BSDC1: variants seen among roughly 807,000 people sequenced by gnomAD.
The protein encoded by BSDC1 is BSD domain-containing protein 1.
BSDC1 carries 29 observed loss-of-function variants against 56.0 expected under a neutral mutation model. That is an observed-to-expected ratio of 0.52 (90% CI 0.39 to 0.71). The LOEUF (loss-of-function observed/expected upper bound fraction) is 0.71, where lower values mean the gene tolerates loss of function less well. Among genes scored for constraint, BSDC1 ranks in the 30% least tolerant of loss-of-function variants. The pLI, the probability that BSDC1 is intolerant of heterozygous loss-of-function variation, is 0.00. For missense variants in BSDC1, 477 were observed against 548.5 expected (o/e 0.87, Z 1.30); for synonymous variants, 210 against 215.3 (o/e 0.98, Z 0.21).
Position 32,394,430 on chromosome 1 carries a change from T to G in BSDC1, c.-16A>C. 1.2e-6 allele frequency: 2 copies of G among 1,614,048 alleles called. No individual in the cohort carries two copies. The highest frequency in any genetic ancestry group is 1.7e-6 in the Non-Finnish European group (2 of 1,180,002). On this transcript the variant is annotated 5_prime_UTR_variant, in exon 1 of 11. An upstream start codon of the reference 5' UTR is lost. Coordinates refer to ENST00000455895, the MANE Select transcript of BSDC1 (RefSeq NM_018045.8). ...CTTCCGCCATCTTGCCTGCATGACA[T>G]CACCACTATTTACTGACCTTTGACT...
At chr1:32,390,422 G>A (rs1642825213) in intron 2 of BSDC1, among the ~76,000 whole-genome samples, 1 of 152,176 alleles carries the variant, frequency 6.6e-6, no homozygotes, top group African/African-American at 2.4e-5. Context: ...GTTGACTGAG[G>A]GCTAGAAAAG....
chr1:32,389,509 C>G (rs939149016), intron 2 of BSDC1, among the ~76,000 whole-genome samples: 5 of 152,210 alleles, frequency 3.3e-5, no homozygotes, highest in African/African-American at 7.2e-5. Context: ...TGCCCTCAAG[C>G]AGGTCACAGT....
Position 32,366,781 on chromosome 1 carries a change from C to T in BSDC1, c.1261-127G>A, listed in dbSNP as rs1641869913. 2.5e-5 allele frequency: 35 copies of T among 1,424,210 alleles called. 1 individual carries two copies. The South Asian group carries it at 5.4e-4, about 22-fold the overall frequency. The allele number at this position is 1,424,210 out of a possible 1,614,324, so 88.2% of individuals were successfully genotyped here. ...CTACCCCAGGCCATACTCTGAGGTC[C>T]CACTGAGAGTGAACCCCTAGTCTTA... On this transcript the variant is annotated intron_variant, in intron 10 of 10. Transcript: ENST00000455895.
chr1:32,388,195 C>T (rs1570168685), intron 2 of BSDC1, among the ~76,000 whole-genome samples: 1 of 152,096 alleles, frequency 6.6e-6, no homozygotes, highest in East Asian at 1.9e-4. Context: ...TTGAGCGCTC[C>T]TGTGGTTTGT....
chr1:32,371,901 G>A (rs960604768), intron 9 of BSDC1, among the ~76,000 whole-genome samples: 1 of 152,074 alleles, frequency 6.6e-6, no homozygotes, highest in African/African-American at 2.4e-5. Context: ...TATAAAATAT[G>A]GATAAAAGCA....
intron 2 of BSDC1, among the ~76,000 whole-genome samples, chr1:32,392,486 G>T (rs1453313893): frequency 6.6e-6 from 1 of 151,652 alleles, no homozygotes; most frequent in South Asian, 2.1e-4. Context: ...CAAGAATGAA[G>T]ACGGAAGGTT....
At position 32,376,296 on chromosome 1, in the gene BSDC1, A is replaced by C; in HGVS notation, c.1122T>G (p.Ser374Arg). The C allele has an allele frequency of 6.4e-7, 1 of 1,568,478 alleles. No individual in the cohort carries two copies. Among genetic ancestry groups the C allele is most frequent in the South Asian group, 1.2e-5 (1 of 86,708 alleles). The change falls in exon 9 of 11, where the codon AGT becomes AGG. Residue 374 changes from serine to arginine, a missense_variant. By Grantham distance (110) the Ser-to-Arg change is moderately radical. Transcript: ENST00000455895. ...CATTGTTGGAGGGTGTAGACTTCCCACTATCCGAGTTCAGCTCAAACACCC... is the reference window on the plus strand; with the variant it reads ...CATTGTTGGAGGGTGTAGACTTCCCCCTATCCGAGTTCAGCTCAAACACCC... The part of the protein sequence containing the change: ...DLRVFELNSD[S>R]GKSTPSNNGK...
intron 10 of BSDC1, chr1:32,367,545 G>A: frequency 1.0e-6 from 1 of 985,414 alleles, no homozygotes; most frequent in Non-Finnish European, 1.2e-6. Context: ...CATGATGGAA[G>A]GACTCATGTG....
At chr1:32,382,070 T>C (rs180936436) in intron 4 of BSDC1, among the ~76,000 whole-genome samples, 74 of 151,678 alleles carry the variant, frequency 4.9e-4, no homozygotes, top group Admixed American at 2.6e-3. Flanking sequence ...CTACTAAAAA[T>C]ACAAAAATTA....
At chr1:32,391,842 G>T (rs1272305523) in intron 2 of BSDC1, among the ~76,000 whole-genome samples, 1 of 152,168 alleles carries the variant, frequency 6.6e-6, no homozygotes, top group African/African-American at 2.4e-5. Flanking sequence ...CGAACTGGGG[G>T]TGGTATCTAA....
At chr1:32,369,341 AG>A (rs1641982438) in intron 9 of BSDC1, 1 of 1,285,274 alleles carries the variant, frequency 7.8e-7, no homozygotes, top group African/African-American at 1.5e-5. Flanking sequence ...CCTTGTCTCT[AG>A]AAAAAAATTT....
intron 4 of BSDC1, among the ~76,000 whole-genome samples, chr1:32,381,939 A>T (rs1245431416): frequency 1.3e-5 from 2 of 152,240 alleles, no homozygotes; most frequent in Non-Finnish European, 2.9e-5. Flanking sequence ...ACAAAAGTTC[A>T]ATGTGGGCCG....
At chr1:32,383,727 T>C in intron 4 of BSDC1, 103 bp downstream of exon 4, 1 of 922,994 alleles carries the variant, frequency 1.1e-6, no homozygotes, top group East Asian at 2.5e-5. Context: ...TACCCATATT[T>C]ATTTTTTGGC....
At chr1:32,389,630 C>T (rs1344058396) in intron 2 of BSDC1, among the ~76,000 whole-genome samples, 1 of 152,100 alleles carries the variant, frequency 6.6e-6, no homozygotes, top group African/African-American at 2.4e-5. Context: ...GGAATGGGCC[C>T]TTAAAGAATG....
rs143046222 is a variant in BSDC1 at position 32,376,226 on chromosome 1, G to A, written c.1156+36C>T. On this transcript the variant is annotated intron_variant, in intron 9 of 10. Coordinates refer to ENST00000455895, the MANE Select transcript of BSDC1 (RefSeq NM_018045.8). ...TCTGCCTCAGGAGGTGGCCCTGACC[G>A]CACACAACCCTCTGGGCTTGGACCT... 241 of 1,433,778 alleles carry A rather than the reference G, an allele frequency of 1.7e-4. 2 individuals are homozygous for A. In the African/African-American group the frequency reaches 2.5e-3, roughly 15 times the overall value. The allele number at this position is 1,433,778 out of a possible 1,614,324, so 88.8% of individuals were successfully genotyped here.
At chr1:32,372,310 G>A (rs571802666) in intron 9 of BSDC1, among the ~76,000 whole-genome samples, 1 of 152,302 alleles carries the variant, frequency 6.6e-6, no homozygotes, top group East Asian at 1.9e-4. Context: ...GTCACCACAG[G>A]CTTCCTGTGG....
intron 9 of BSDC1, among the ~76,000 whole-genome samples, chr1:32,369,054 CAA>C (rs1291237731): frequency 1.3e-5 from 2 of 152,152 alleles, no homozygotes; most frequent in Non-Finnish European, 2.9e-5. Context: ...AGAAATTTAG[CAA>C]AGAGTGTTCA....
intron 10 of BSDC1, chr1:32,367,004 A>C: frequency 9.6e-7 from 1 of 1,045,658 alleles, no homozygotes; most frequent in Non-Finnish European, 1.2e-6. Context: ...CATGGCTCTG[A>C]GAAGCAGAGA....
Position 32,383,869 on chromosome 1 carries a change from G to T in BSDC1, c.318C>A (p.Gly106=). ...AGGGCTCAGCTGTGCCAGACGGTGT[G>T]CCCATCAGGGTGATGACATCGCAGT... ...TIDCDVITLM[G]TPSGTAEPYD... is the part of the protein sequence containing the mutation. Residue 106 remains glycine, a synonymous_variant, in exon 4 of 11, where the codon GGC becomes GGA. Transcript: ENST00000455895. 6.2e-7 allele frequency: 1 copy of T among 1,612,318 alleles called. No individual in the cohort carries two copies. The highest frequency in any genetic ancestry group is 8.5e-7 in the Non-Finnish European group (1 of 1,180,032).
Sources: allele counts gnomAD v4.1 joint callset (sites outside exome capture counted in the v4.1 genomes callset), GRCh38; gene constraint gnomAD v4.1.1; transcripts MANE v1.5; gene names NCBI Gene and HGNC (gene_info 2026-07-23, HGNC 2026-07-21).